Variants in ADGRV1 observed in about 807,000 individuals in gnomAD.
The protein encoded by ADGRV1 is G-protein coupled receptor 98.
A neutral mutation model predicts 596.2 loss-of-function variants in ADGRV1; 359 were observed. The observed-to-expected ratio is 0.60, with a 90% CI of 0.55 to 0.66. The LOEUF (loss-of-function observed/expected upper bound fraction) is 0.66, where lower values mean the gene tolerates loss of function less well. Among genes scored for constraint, ADGRV1 ranks in the 30% least tolerant of loss-of-function variants. ADGRV1 has a pLI of 0.00. For synonymous variants in ADGRV1, 2,681 were observed against 2,679.2 expected (o/e 1.00, Z -0.02); for missense variants, 7,274 against 7,575.6 (o/e 0.96, Z 1.48).
chr5:90,562,146 A>C (rs144070386), intron 1 of ADGRV1, among the ~76,000 whole-genome samples: 1 of 152,296 alleles, frequency 6.6e-6, no homozygotes, highest in Non-Finnish European at 1.5e-5. Flanking sequence ...GTAAAGTTCT[A>C]TTTAGTTTTA....
chr5:90,663,266 AG>A (rs1770694519), intron 21 of ADGRV1, among the ~76,000 whole-genome samples: 1 of 143,910 alleles, frequency 6.9e-6, no homozygotes, highest in African/African-American at 2.6e-5. Flanking sequence ...CATCCTCTCC[AG>A]CACCTGTTGT....
intron 59 of ADGRV1, among the ~76,000 whole-genome samples, chr5:90,764,718 A>G (rs1453695303): frequency 1.3e-5 from 2 of 152,174 alleles, no homozygotes; most frequent in African/African-American, 4.8e-5. Context: ...TCCCAACGTC[A>G]GAGCCAGTTG....
chr5:90,661,154 T>A (rs1055963726), intron 21 of ADGRV1, among the ~76,000 whole-genome samples: 5 of 152,210 alleles, frequency 3.3e-5, no homozygotes, highest in African/African-American at 1.2e-4. Flanking sequence ...GTGTATTTCC[T>A]ATGTTATTTT....
chr5:91,090,337 T>C (rs1227012596), intron 86 of ADGRV1, among the ~76,000 whole-genome samples: 2 of 152,150 alleles, frequency 1.3e-5, no homozygotes, highest in African/African-American at 4.8e-5. Flanking sequence ...TCTCCTTAGA[T>C]TCAAAATTAT....
chr5:90,817,944 T>C (rs1763072466), intron 75 of ADGRV1, among the ~76,000 whole-genome samples: 1 of 152,226 alleles, frequency 6.6e-6, no homozygotes, highest in Non-Finnish European at 1.5e-5. Flanking sequence ...TTTCCAATTC[T>C]GTGAAGAAAG....
intron 86 of ADGRV1, among the ~76,000 whole-genome samples, chr5:91,073,964 C>A (rs1367794327): frequency 1.3e-5 from 2 of 152,186 alleles, no homozygotes; most frequent in Non-Finnish European, 2.9e-5. Flanking sequence ...TCCCAAAGTG[C>A]TAGGATGACA....
intron 85 of ADGRV1, among the ~76,000 whole-genome samples, chr5:91,014,933 C>T (rs1783054819): frequency 6.6e-6 from 1 of 151,656 alleles, no homozygotes; most frequent in African/African-American, 2.4e-5. Flanking sequence ...TTTGGGGTTC[C>T]TTTGTTCTTG....
rs1213834899 is a variant in ADGRV1 at position 91,164,003 on chromosome 5, G to A, written c.*103G>A. 5 of 710,206 alleles carry A rather than the reference G, an allele frequency of 7.0e-6. No individual in the cohort carries two copies. In the Admixed American group the frequency reaches 8.0e-5, roughly 11 times the overall value. The allele number at this position is 710,206 out of a possible 1,614,324, so 44.0% of individuals were successfully genotyped here. A position where few individuals can be genotyped will look rare whatever the true frequency, so the allele number is the denominator to read the frequency against. On this transcript the variant is annotated 3_prime_UTR_variant, in exon 90 of 90. Transcript: ENST00000405460. ...CCTGTGTAATAGGAACCTGTGAATT[G>A]TACTGGATGATTAATACAAACGTGA...
chr5:90,655,365 C>T (rs1769253349), intron 20 of ADGRV1: 1 of 152,138 alleles, frequency 6.6e-6, no homozygotes, highest in Admixed American at 6.5e-5. Context: ...TTTTTGCCTG[C>T]TGTAGATATT....
At chr5:90,917,572 A>T (rs1773494651) in intron 83 of ADGRV1, among the ~76,000 whole-genome samples, 1 of 152,220 alleles carries the variant, frequency 6.6e-6, no homozygotes, top group African/African-American at 2.4e-5. Flanking sequence ...CTTCAAGCTT[A>T]TATCAAGCTC....
rs569871816 is a variant in ADGRV1, at chr5:90,573,836, A to G, written c.22+14919A>G. 3.3e-5 allele frequency among the ~76,000 whole-genome samples: 5 copies of G among 152,166 alleles called. No individual in the cohort carries two copies. In the South Asian group the frequency reaches 8.3e-4, roughly 25 times the overall value. On this transcript the variant is annotated intron_variant, in intron 1 of 89. Coordinates refer to ENST00000405460, the MANE Select transcript of ADGRV1 (RefSeq NM_032119.4). ...ATAATTTGTCAGATATTGTTCATTC[A>G]TGTGTGTGTGTGCACGTGTGCATGT...
intron 57 of ADGRV1, among the ~76,000 whole-genome samples, chr5:90,757,376 C>G (rs926996659): frequency 1.5e-4 from 17 of 115,558 alleles, no homozygotes; most frequent in African/African-American, 5.7e-4. Flanking sequence ...TTTCTGAACC[C>G]CCGCCCCAGT....
chr5:90,775,675 C>G (rs1440672836), intron 60 of ADGRV1, among the ~76,000 whole-genome samples: 1 of 151,860 alleles, frequency 6.6e-6, no homozygotes, highest in Non-Finnish European at 1.5e-5. Context: ...ATGGAGTCTC[C>G]CTATGTTGCC....
At chr5:90,816,220 C>T (rs1369875555) in intron 75 of ADGRV1, among the ~76,000 whole-genome samples, 1 of 152,102 alleles carries the variant, frequency 6.6e-6, no homozygotes, top group Admixed American at 6.5e-5. Flanking sequence ...TTTACAATAG[C>T]AACCATTATG....
intron 85 of ADGRV1, among the ~76,000 whole-genome samples, chr5:91,066,197 A>G (rs1409558623): frequency 6.6e-6 from 1 of 152,308 alleles, no homozygotes; most frequent in East Asian, 1.9e-4. Flanking sequence ...TGGTGCGGGC[A>G]TTGCCTTCTT....
intron 86 of ADGRV1, among the ~76,000 whole-genome samples, chr5:91,072,831 G>T (rs1788507447): frequency 1.3e-5 from 2 of 152,118 alleles, no homozygotes; most frequent in South Asian, 4.1e-4. Context: ...TTGTCCTTAA[G>T]ATATTGATAT....
chr5:90,781,702 A>G (rs1401264066), intron 65 of ADGRV1, 124 bp downstream of exon 65: 1 of 804,968 alleles, frequency 1.2e-6, no homozygotes, highest in African/African-American at 1.7e-5. Flanking sequence ...TTACACATAT[A>G]CACTTTTATA....
intron 85 of ADGRV1, among the ~76,000 whole-genome samples, chr5:91,057,574 T>C (rs1261527007): frequency 6.6e-6 from 1 of 152,254 alleles, no homozygotes; most frequent in Non-Finnish European, 1.5e-5. Context: ...GCTGTTCCTA[T>C]TTTATTTCAC....
chr5:90,631,449 G>A (rs1347231061), intron 9 of ADGRV1, among the ~76,000 whole-genome samples: 2 of 152,086 alleles, frequency 1.3e-5, no homozygotes, highest in African/African-American at 4.8e-5. Flanking sequence ...GTATGTACGC[G>A]ACACCTTTTT....
Sources: gnomAD v4.1 joint callset for allele counts (sites outside exome capture counted in the v4.1 genomes callset) on GRCh38, gnomAD v4.1.1 for gene constraint, MANE v1.5 for transcripts, NCBI Gene and HGNC (gene_info 2026-07-23, HGNC 2026-07-21) for gene names.